Variants in CFTR observed in about 807,000 individuals in gnomAD.
The protein encoded by CFTR is CF transmembrane conductance regulator, also known as cystic fibrosis transmembrane conductance regulator.
Under a neutral mutation model 171.6 loss-of-function variants are expected in CFTR, and 181 were observed. The ratio of observed to expected loss-of-function variants is 1.05; its 90% CI spans 0.93 to 1.19. The LOEUF is 1.19. Ranked by LOEUF, CFTR falls within the 50% of genes most tolerant of loss-of-function variation. The pLI, the probability that CFTR is intolerant of heterozygous loss-of-function variation, is 0.00. For synonymous variants in CFTR, 583 were observed against 608.0 expected, an observed-to-expected ratio of 0.96 and a Z score of 0.60; for missense variants, 1,968 against 1,734.7, an observed-to-expected ratio of 1.13 and a Z score of -2.39.
intron 22 of CFTR, among the ~76,000 whole-genome samples, chr7:117,642,085 A>G (rs1310755594): frequency 1.3e-5 from 2 of 152,122 alleles, no homozygotes; most frequent in African/African-American, 2.4e-5. Flanking sequence ...TTCTGGCTTG[A>G]GCCTATGTTT....
At chr7:117,480,882 T>G (rs1411627036) in intron 1 of CFTR, among the ~76,000 whole-genome samples, 1 of 152,194 alleles carries the variant, frequency 6.6e-6, no homozygotes, top group Non-Finnish European at 1.5e-5. Context: ...AGCATCTAAG[T>G]TCGGAATCTT....
chr7:117,614,519 A>G, intron 20 of CFTR, 94 bp from the exon 21 acceptor site: 1 of 811,824 alleles, frequency 1.2e-6, no homozygotes, highest in Non-Finnish European at 2.2e-6. Context: ...ATGTAAATTT[A>G]ATGTGATATG....
At chr7:117,640,316 A>G (rs532782890) in intron 22 of CFTR, among the ~76,000 whole-genome samples, 3 of 152,176 alleles carry the variant, frequency 2.0e-5, no homozygotes, top group Non-Finnish European at 4.4e-5. Flanking sequence ...ATGCATTACC[A>G]GCAGTTCAAT....
Position 117,664,879 on chromosome 7 carries a change from G to A in CFTR, c.4136+19G>A. The stretch of plus-strand genomic sequence containing the variant: ...ATCCAGTGTGAGTTTCAGATGTTCT[G>A]TTACTTAATAGCACAGTGGGAACAG... On this transcript the variant is annotated intron_variant, in intron 25 of 26. Transcript: ENST00000003084. 2 of 1,612,320 alleles carry A rather than the reference G, an allele frequency of 1.2e-6. No individual in the cohort carries two copies. The highest frequency in any genetic ancestry group is 1.7e-6 in the Non-Finnish European group (2 of 1,178,446).
At chr7:117,660,693 TACAC>T (rs1480488922) in intron 24 of CFTR, among the ~76,000 whole-genome samples, 1 of 151,462 alleles carries the variant, frequency 6.6e-6, no homozygotes, top group Non-Finnish European at 1.5e-5. Context: ...TGTGTGTATA[TACAC>T]ACACATATAT....
At chr7:117,503,082 T>C (rs971157831) in intron 1 of CFTR, among the ~76,000 whole-genome samples, 2 of 152,214 alleles carry the variant, frequency 1.3e-5, no homozygotes, top group African/African-American at 4.8e-5. Flanking sequence ...CCCAGAACAG[T>C]GTCAAAATGT....
intron 8 of CFTR, among the ~76,000 whole-genome samples, chr7:117,541,668 A>G (rs954769495): frequency 1.3e-5 from 2 of 152,056 alleles, no homozygotes; most frequent in African/African-American, 2.4e-5. Flanking sequence ...TCTCCGTCCA[A>G]TGTTGGATTA....
intron 23 of CFTR, among the ~76,000 whole-genome samples, chr7:117,649,486 T>A (rs6466617): frequency 0.36 from 45,260 of 124,500 alleles, 8,009 homozygotes; most frequent in African/African-American, 0.6. Context: ...ATATATATAG[T>A]GTGTGTGTGT....
At chr7:117,520,461 T>G (rs925715581) in intron 3 of CFTR, among the ~76,000 whole-genome samples, 1 of 151,906 alleles carries the variant, frequency 6.6e-6, no homozygotes, top group Non-Finnish European at 1.5e-5. Context: ...TATTTAGAAT[T>G]CATTGTGATG....
At chr7:117,613,857 A>C (rs1792441434) in intron 20 of CFTR, among the ~76,000 whole-genome samples, 1 of 152,052 alleles carries the variant, frequency 6.6e-6, no homozygotes, top group African/African-American at 2.4e-5. Flanking sequence ...TAACTTTATA[A>C]TAATTTAAGA....
chr7:117,535,140 GT>G, intron 5 of CFTR, 107 bp from the exon 6 acceptor site: 1 of 1,185,588 alleles, frequency 8.4e-7, no homozygotes, highest in Non-Finnish European at 1.3e-6. Context: ...ACCACGAAGT[GT>G]TTGATCATAT....
chr7:117,620,213 T>G (rs1163422704), intron 21 of CFTR, among the ~76,000 whole-genome samples: 1 of 152,180 alleles, frequency 6.6e-6, no homozygotes, highest in Non-Finnish European at 1.5e-5. Context: ...TCTCATTTCA[T>G]CCTGTAGAGT....
At position 117,592,650 on chromosome 7, in the gene CFTR, A is replaced by G. The variant is rs1000104971; in HGVS notation, c.2483A>G (p.Asp828Gly). 1.3e-6 allele frequency: 2 copies of G among 1,542,200 alleles called. No individual in the cohort carries two copies. The highest frequency in any genetic ancestry group is 1.7e-6 in the Non-Finnish European group (2 of 1,151,912). The stretch of plus-strand genomic sequence containing the variant: ...ATAAGTGAAGAAATTAACGAAGAAG[A>G]CTTAAAGGTAGGTATACATCGCTTG... ...LEISEEINEEDLKECFFDDME... is the reference protein window; with the variant it reads ...LEISEEINEEGLKECFFDDME... The change falls in exon 14 of 27, where the codon GAC becomes GGC. Residue 828 changes from aspartate to glycine, a missense_variant. By Grantham distance (94) the Asp-to-Gly change is moderately conservative. Transcript: ENST00000003084.
At chr7:117,544,335 A>G (rs1799104232) in intron 9 of CFTR, among the ~76,000 whole-genome samples, 1 of 152,078 alleles carries the variant, frequency 6.6e-6, no homozygotes, top group South Asian at 2.1e-4. Context: ...AAATCCTTTC[A>G]TTTGTCTTTA....
chr7:117,495,629 C>T (rs1798225001), intron 1 of CFTR, among the ~76,000 whole-genome samples: 1 of 152,146 alleles, frequency 6.6e-6, no homozygotes, highest in African/African-American at 2.4e-5. Context: ...AAACAATTTA[C>T]ACAACTCATG....
intron 24 of CFTR, among the ~76,000 whole-genome samples, chr7:117,658,190 AT>A (rs1165273212): frequency 6.6e-6 from 1 of 152,190 alleles, no homozygotes; most frequent in Non-Finnish European, 1.5e-5. Flanking sequence ...CCAAACTGAA[AT>A]TACCAGCTGT....
chr7:117,594,968 G>T lies in CFTR; in HGVS notation c.2529G>T (p.Val843=). 1 of 1,612,806 alleles carries T rather than the reference G, an allele frequency of 6.2e-7. No homozygotes were observed. Among genetic ancestry groups the T allele is most frequent in the South Asian group, 1.1e-5 (1 of 91,060 alleles). ...ATGATATGGAGAGCATACCAGCAGT[G>T]ACTACATGGAACACATACCTTCGAT... is the stretch of plus-strand genomic sequence containing the variant. The part of the protein sequence containing the change: ...FFDDMESIPA[V]TTWNTYLRYI... Residue 843 remains valine, a synonymous_variant, in exon 15 of 27, where the codon GTG becomes GTT. Coordinates refer to ENST00000003084, the MANE Select transcript of CFTR (RefSeq NM_000492.4).
Position 117,480,137 on chromosome 7 carries a change from C to G in CFTR, c.43C>G (p.Leu15Val), listed in dbSNP as rs755405810. The G allele has an allele frequency of 1.2e-6, 2 of 1,613,820 alleles. No homozygotes were observed. Among genetic ancestry groups the G allele is most frequent in the South Asian group, 2.2e-5 (2 of 91,066 alleles). Residue 15 changes from leucine to valine, a missense_variant, in exon 1 of 27, where the codon CTT becomes GTT. Leu to Val is a conservative substitution (Grantham distance 32, BLOSUM62 1). Transcript: ENST00000003084. ...PLEKASVVSK[L>V]FFSWTRPILR... is the part of the protein sequence containing the mutation. ...GGAAAAGGCCAGCGTTGTCTCCAAA[C>G]TTTTTTTCAGGTGAGAAGGTGGCCA...
At chr7:117,665,677 A>G (rs1793363773) in intron 26 of CFTR, 113 bp downstream of exon 26, 1 of 759,088 alleles carries the variant, frequency 1.3e-6, no homozygotes, top group Admixed American at 2.0e-5. Flanking sequence ...TTTCAAAAAT[A>G]TGTATCATAC....
Sources: gnomAD v4.1 joint callset for allele counts (sites outside exome capture counted in the v4.1 genomes callset) on GRCh38, gnomAD v4.1.1 for gene constraint, MANE v1.5 for transcripts, NCBI Gene and HGNC (gene_info 2026-07-23, HGNC 2026-07-21) for gene names.